The following TRDMT1 variants were observed in gnomAD, a reference collection of about 807,000 sequenced individuals.
TRDMT1 encodes the protein tRNA (cytosine(38)-C(5))-methyltransferase.
Under a neutral mutation model 51.2 loss-of-function variants are expected in TRDMT1, and 49 were observed. The ratio of observed to expected loss-of-function variants is 0.96; its 90% CI spans 0.76 to 1.21. The LOEUF (loss-of-function observed/expected upper bound fraction) is 1.21, where lower values mean the gene tolerates loss of function less well. Ranked by LOEUF, TRDMT1 falls within the 50% of genes most tolerant of loss-of-function variation. The pLI is 0.00. For missense variants in TRDMT1, 534 were observed against 462.3 expected (o/e 1.16, Z -1.42); for synonymous variants, 187 against 164.6 (o/e 1.14, Z -1.04).
In TRDMT1 at chr10:17,145,406, T is replaced by C. The variant is rs995749732; in HGVS notation, c.*3634A>G. The C allele has an allele frequency of 2.4e-5, 24 of 985,322 alleles. No individual in the cohort carries two copies. The South Asian group carries it at 9.4e-4, about 39-fold the overall frequency. The allele number at this position is 985,322 out of a possible 1,614,324, so 61.0% of individuals were successfully genotyped here. ...AGTTGTATATAGCACATTTGAATGG[T>C]AGATGGAAGAGATTAACTAGTAGAC... On this transcript the variant is annotated 3_prime_UTR_variant, in exon 11 of 11. Coordinates refer to ENST00000377799, the MANE Select transcript of TRDMT1 (RefSeq NM_004412.7).
chr10:17,169,060 T>C (rs1452721293), intron 2 of TRDMT1, 143 bp from the exon 3 acceptor site: 1 of 648,356 alleles, frequency 1.5e-6, no homozygotes, highest in African/African-American at 1.8e-5. Context: ...TTTGGTTAAC[T>C]AACTTCTCAA....
chr10:17,175,169 T>C (rs1408240564), intron 1 of TRDMT1, among the ~76,000 whole-genome samples: 1 of 152,198 alleles, frequency 6.6e-6, no homozygotes, highest in East Asian at 1.9e-4. Context: ...TTTGACAAAA[T>C]TCACCCAATT....
chr10:17,150,281 G>T, intron 10 of TRDMT1: 1 of 568,852 alleles, frequency 1.8e-6, no homozygotes, highest in Non-Finnish European at 2.2e-6. Flanking sequence ...ATTCCTTTTG[G>T]AGAAATGTTG....
intron 1 of TRDMT1, among the ~76,000 whole-genome samples, chr10:17,185,864 C>T (rs1012168725): frequency 2.0e-5 from 3 of 152,028 alleles, no homozygotes; most frequent in African/African-American, 7.2e-5. Context: ...AATGAGAACA[C>T]TTGGACACAG....
chr10:17,186,949 T>C (rs1844016635), intron 1 of TRDMT1, among the ~76,000 whole-genome samples: 1 of 152,210 alleles, frequency 6.6e-6, no homozygotes, highest in Non-Finnish European at 1.5e-5. Flanking sequence ...CATGGTCACA[T>C]TAGAATAAAG....
chr10:17,153,696 T>C, intron 9 of TRDMT1, 60 bp from the exon 10 acceptor site: 3 of 1,487,360 alleles, frequency 2.0e-6, no homozygotes, highest in Middle Eastern at 2.4e-4. Flanking sequence ...TAAGATCTCC[T>C]GCTGTGAGAT....
Position 17,183,706 on chromosome 10 carries a change from C to T in TRDMT1, c.65-9046G>A, listed in dbSNP as rs181814356. Among the ~76,000 whole-genome samples the T allele has an allele frequency of 2.6e-3, 396 of 152,216 alleles. 1 individual carries two copies. The highest frequency in any genetic ancestry group is 4.0e-3 in the Non-Finnish European group (269 of 68,002). On this transcript the variant is annotated intron_variant, in intron 1 of 10. Transcript: ENST00000377799. Reference sequence around the variant, plus strand: ...TGCTGGGATTACAGGCATGAGCCACCGCACCTGGCAAGAATGTACTATTTT... The same window carrying T: ...TGCTGGGATTACAGGCATGAGCCACTGCACCTGGCAAGAATGTACTATTTT...
intron 1 of TRDMT1, among the ~76,000 whole-genome samples, chr10:17,191,294 T>C (rs894146271): frequency 6.6e-6 from 1 of 152,104 alleles, no homozygotes; most frequent in East Asian, 1.9e-4. Context: ...TAATAACTTA[T>C]CAGATATATT....
At chr10:17,162,569 G>T (rs919481918) in intron 3 of TRDMT1, among the ~76,000 whole-genome samples, 1 of 152,050 alleles carries the variant, frequency 6.6e-6, no homozygotes, top group Non-Finnish European at 1.5e-5. Flanking sequence ...TAGGCCGAGC[G>T]TGGTGGCTCA....
At chr10:17,157,898 A>C (rs1301597841) in intron 7 of TRDMT1, 114 bp from the exon 8 acceptor site, 2 of 758,826 alleles carry the variant, frequency 2.6e-6, no homozygotes, top group South Asian at 2.0e-5. Flanking sequence ...TGGGGTTGCC[A>C]TTAAAAGATA....
chr10:17,159,291 G>A lies in TRDMT1; in HGVS notation c.460-62C>T, dbSNP rs542118361. 5.5e-5 allele frequency: 67 copies of A among 1,222,220 alleles called. No individual in the cohort carries two copies. In the African/African-American group the frequency reaches 7.8e-4, roughly 14 times the overall value. 75.7% of individuals were successfully genotyped at this position (1,222,220 alleles called of 1,614,324 possible). A position where few individuals can be genotyped will look rare whatever the true frequency, so the allele number is the denominator to read the frequency against. ...ATTAAAGAGAGCGGTACCAACTTTA[G>A]CACCAAGTTAAACAGCAACAACAAA... On this transcript the variant is annotated intron_variant, in intron 6 of 10. Coordinates refer to ENST00000377799, the MANE Select transcript of TRDMT1 (RefSeq NM_004412.7).
Position 17,139,411 on chromosome 10 carries a change from T to A in TRDMT1, c.*9629A>T, listed in dbSNP as rs1837520260. On this transcript the variant is annotated 3_prime_UTR_variant, in exon 11 of 11. Coordinates refer to ENST00000377799, the MANE Select transcript of TRDMT1 (RefSeq NM_004412.7). Reference sequence around the variant, plus strand: ...ATCTGATCTTAGGAAAAGGGGAAAGTACATCTTTGTGATGATATTTTGTGT... The same window carrying A: ...ATCTGATCTTAGGAAAAGGGGAAAGAACATCTTTGTGATGATATTTTGTGT... Among the ~76,000 whole-genome samples, 1 of 152,064 alleles carries A rather than the reference T, an allele frequency of 6.6e-6. No homozygotes were observed. Among genetic ancestry groups the A allele is most frequent in the South Asian group, 2.1e-4 (1 of 4,820 alleles).
chr10:17,173,503 T>C (rs1306905096), intron 2 of TRDMT1, among the ~76,000 whole-genome samples: 1 of 152,106 alleles, frequency 6.6e-6, no homozygotes, highest in East Asian at 1.9e-4. Context: ...TAATCCATAA[T>C]GAAAAGAAAG....
chr10:17,183,874 A>AATTG (rs1457637661), intron 1 of TRDMT1, among the ~76,000 whole-genome samples: 1 of 152,250 alleles, frequency 6.6e-6, no homozygotes, highest in Non-Finnish European at 1.5e-5. Flanking sequence ...TTCTCAAGGC[A>AATTG]TGCCAATTGT....
At chr10:17,196,916 G>C (rs1845524218) in intron 1 of TRDMT1, among the ~76,000 whole-genome samples, 1 of 152,160 alleles carries the variant, frequency 6.6e-6, no homozygotes, top group African/African-American at 2.4e-5. Context: ...TCTGGCAAGG[G>C]AGGTGGTAAG....
At position 17,138,662 on chromosome 10, in the gene TRDMT1, T is replaced by G. The variant is rs1837494336; in HGVS notation, c.*10378A>C. Among the ~76,000 whole-genome samples the G allele has an allele frequency of 6.6e-6, 1 of 152,198 alleles. No individual in the cohort carries two copies. Among genetic ancestry groups the G allele is most frequent in the South Asian group, 2.1e-4 (1 of 4,834 alleles). On this transcript the variant is annotated 3_prime_UTR_variant, in exon 11 of 11. Transcript: ENST00000377799. Reference sequence around the variant, plus strand: ...CTTTGAGTAGAATGAAAAAGAATTATGAGTTAATCATTAACATTTAAATTG... The same window carrying G: ...CTTTGAGTAGAATGAAAAAGAATTAGGAGTTAATCATTAACATTTAAATTG...
intron 1 of TRDMT1, among the ~76,000 whole-genome samples, chr10:17,184,985 G>A (rs531522619): frequency 6.6e-6 from 1 of 152,116 alleles, no homozygotes; most frequent in African/African-American, 2.4e-5. Context: ...ATCCTAGCTT[G>A]GCTATTTCCA....
chr10:17,173,230 C>T (rs541617439), intron 2 of TRDMT1, among the ~76,000 whole-genome samples: 4 of 152,178 alleles, frequency 2.6e-5, no homozygotes, highest in African/African-American at 9.6e-5. Flanking sequence ...CAGATTTGTA[C>T]ATATATGTTC....
At chr10:17,158,890 A>G (rs1839915562) in intron 7 of TRDMT1, among the ~76,000 whole-genome samples, 2 of 152,172 alleles carry the variant, frequency 1.3e-5, no homozygotes, top group Admixed American at 6.5e-5. Flanking sequence ...AATACTAATG[A>G]TAAGTTTTTT....
Sources: gnomAD v4.1 joint callset for allele counts (sites outside exome capture counted in the v4.1 genomes callset) on GRCh38, gnomAD v4.1.1 for gene constraint, MANE v1.5 for transcripts, NCBI Gene and HGNC (gene_info 2026-07-23, HGNC 2026-07-21) for gene names.